HMGB1: variants seen among roughly 807,000 people sequenced by gnomAD.
HMGB1 encodes the protein high mobility group box 1.
For missense variants in HMGB1, 79 were observed against 253.5 expected, an observed-to-expected ratio of 0.31 and a Z score of 4.67; for synonymous variants, 81 against 84.0, an observed-to-expected ratio of 0.96 and a Z score of 0.19.
intron 1 of HMGB1, among the ~76,000 whole-genome samples, chr13:30,579,592 CA>C (rs911249535): frequency 6.6e-6 from 1 of 152,128 alleles, no homozygotes; most frequent in African/African-American, 2.4e-5. Context: ...TGATACTTTA[CA>C]AAACATTTAA....
chr13:30,466,674 C>G (rs1886797576), upstream of HMGB1, among the ~76,000 whole-genome samples: 1 of 152,162 alleles, frequency 6.6e-6, no homozygotes, highest in African/African-American at 2.4e-5. Context: ...CACAGCATGT[C>G]TAGAACTTTT....
intron 1 of HMGB1, among the ~76,000 whole-genome samples, chr13:30,546,621 C>G (rs1194801488): frequency 6.6e-6 from 1 of 152,140 alleles, no homozygotes; most frequent in African/African-American, 2.4e-5. Context: ...GTAACTGGAA[C>G]TACAGGCGGG....
At chr13:30,615,156 A>G (rs529561440) in intron 1 of HMGB1, among the ~76,000 whole-genome samples, 4 of 152,240 alleles carry the variant, frequency 2.6e-5, no homozygotes, top group Non-Finnish European at 4.4e-5. Flanking sequence ...ATACAATATG[A>G]TAGATGCATG....
upstream of HMGB1, among the ~76,000 whole-genome samples, chr13:30,469,939 T>C (rs970317931): frequency 6.6e-6 from 1 of 151,990 alleles, no homozygotes; most frequent in Non-Finnish European, 1.5e-5. Context: ...CCAGCTAATT[T>C]ATTTTTATTT....
chr13:30,537,675 AT>A, intron 1 of HMGB1, among the ~76,000 whole-genome samples: 1 of 132,552 alleles, frequency 7.5e-6, no homozygotes, highest in Admixed American at 7.5e-5. Context: ...ATATATATAT[AT>A]ATATATATAT....
At position 30,459,386 on chromosome 13, in the gene HMGB1, AAGTTAC is replaced by A. The variant is rs1886161002; in HGVS notation, c.*1965_*1970del. ...GGTAGTTGTCATGACGTACCTACTA[AAGTTAC>A]AAATTCTCCTTGAGCCAGAATTCAT... On this transcript the variant is annotated 3_prime_UTR_variant, in exon 5 of 5. Coordinates refer to ENST00000341423, the MANE Select transcript of HMGB1 (RefSeq NM_002128.7). 6.6e-6 allele frequency: 1 copy of A among 151,512 alleles called. No homozygotes were observed. Among genetic ancestry groups the A allele is most frequent in the African/African-American group, 2.4e-5 (1 of 41,412 alleles). 9.4% of individuals were successfully genotyped at this position (151,512 alleles called of 1,614,324 possible).
At chr13:30,540,164 T>C (rs575975434) in intron 1 of HMGB1, 11 of 165,652 alleles carry the variant, frequency 6.6e-5, no homozygotes, top group Non-Finnish European at 1.1e-4. Context: ...TTATCAGCTA[T>C]AGGGTCATTG....
chr13:30,601,745 C>CAAAAAAA lies in HMGB1; in HGVS notation c.-15+14919_-15+14925dup. Among the ~76,000 whole-genome samples the CAAAAAAA allele has an allele frequency of 6.8e-3, 24 of 3,544 alleles. 9 individuals are homozygous for CAAAAAAA. The highest frequency in any genetic ancestry group is 0.011 in the Admixed American group (2 of 178). 2.3% of individuals were successfully genotyped at this position (3,544 alleles called of 152,430 possible). A position where few individuals can be genotyped will look rare whatever the true frequency, so the allele number is the denominator to read the frequency against. ...TGGGCGACAGAGCGAGACTCCGTCT[C>CAAAAAAA]AAAAAAAAAAAAAAAAAAAAAAAAA... On this transcript the variant is annotated intron_variant, in intron 1 of 4. Coordinates refer to the HMGB1 transcript ENST00000405805.
intron 1 of HMGB1, among the ~76,000 whole-genome samples, chr13:30,538,510 C>CTTTTT (rs1164550479): frequency 1.2e-5 from 1 of 82,230 alleles, no homozygotes; most frequent in Non-Finnish European, 2.2e-5. Context: ...TTCTTTCTTT[C>CTTTTT]CTTTCTTTCT....
At chr13:30,463,812 A>T (rs562133613) in intron 1 of HMGB1, 118 bp from the exon 2 acceptor site, 57 of 642,626 alleles carry the variant, frequency 8.9e-5, no homozygotes, top group Non-Finnish European at 1.3e-4. Flanking sequence ...TAGCGACATC[A>T]ACCTCCGTAA....
intron 1 of HMGB1, among the ~76,000 whole-genome samples, chr13:30,597,026 A>G (rs1007523553): frequency 6.6e-6 from 1 of 152,178 alleles, no homozygotes; most frequent in South Asian, 2.1e-4. Flanking sequence ...ACTTCTTTAT[A>G]CTTTCATAGT....
chr13:30,499,290 A>T (rs564299703), intron 1 of HMGB1, among the ~76,000 whole-genome samples: 1 of 152,296 alleles, frequency 6.6e-6, no homozygotes, highest in East Asian at 1.9e-4. Context: ...TTCGCCCCGA[A>T]GATGGGTTCA....
intron 1 of HMGB1, among the ~76,000 whole-genome samples, chr13:30,597,517 A>C (rs1871669039): frequency 6.6e-6 from 1 of 152,248 alleles, no homozygotes; most frequent in Non-Finnish European, 1.5e-5. Context: ...AAACTAATAC[A>C]AATGAGCTCT....
intron 1 of HMGB1, among the ~76,000 whole-genome samples, chr13:30,485,003 T>C (rs150016500): frequency 6.6e-6 from 1 of 151,696 alleles, no homozygotes; most frequent in African/African-American, 2.4e-5. Context: ...GAGTGAAGCA[T>C]TTCATGGAAA....
chr13:30,540,502 C>T (rs980419835), intron 1 of HMGB1: 1 of 158,524 alleles, frequency 6.3e-6, no homozygotes, highest in African/African-American at 2.4e-5. Context: ...TGTCATGAAC[C>T]TGGATGTGCT....
At chr13:30,562,315 T>C (rs1218694653) in intron 1 of HMGB1, among the ~76,000 whole-genome samples, 1 of 149,738 alleles carries the variant, frequency 6.7e-6, no homozygotes, top group South Asian at 2.1e-4. Context: ...AAAAAAAAGA[T>C]GTATTTATTC....
chr13:30,574,758 G>T (rs544043957), intron 1 of HMGB1, among the ~76,000 whole-genome samples: 1 of 152,154 alleles, frequency 6.6e-6, no homozygotes, highest in Non-Finnish European at 1.5e-5. Context: ...ATTTTGTAGA[G>T]GGCTGTCCTT....
rs1870429801 is a variant in HMGB1 at position 30,571,485 on chromosome 13, G to A, written c.-15+45186C>T. Among the ~76,000 whole-genome samples, 7 of 151,910 alleles carry A rather than the reference G, an allele frequency of 4.6e-5. No homozygotes were observed. The South Asian group carries it at 8.3e-4, about 18-fold the overall frequency. On this transcript the variant is annotated intron_variant, in intron 1 of 4. Coordinates refer to the HMGB1 transcript ENST00000405805. ...AATTTTTTTTATTTTTAGTAGAGAC[G>A]GGGTTTCACCATGCTGGCCAGGCTG... is the stretch of plus-strand genomic sequence containing the variant.
chr13:30,573,099 G>A (rs1226820849), intron 1 of HMGB1, among the ~76,000 whole-genome samples: 2 of 152,150 alleles, frequency 1.3e-5, no homozygotes, highest in African/African-American at 4.8e-5. Context: ...ATTAATTATA[G>A]GAATTTGACT....
Sources: allele counts gnomAD v4.1 joint callset (sites outside exome capture counted in the v4.1 genomes callset), GRCh38; gene constraint gnomAD v4.1.1; transcripts MANE v1.5; gene names NCBI Gene and HGNC (gene_info 2026-07-23, HGNC 2026-07-21).